The following GGNBP2 variants were observed in gnomAD, a reference collection of about 807,000 sequenced individuals.
GGNBP2 encodes gametogenetin-binding protein 2.
Under a neutral mutation model 85.9 loss-of-function variants are expected in GGNBP2, and 10 were observed. The ratio of observed to expected loss-of-function variants is 0.12; its 90% CI spans 0.07 to 0.20. The LOEUF is 0.20. Ranked by LOEUF, GGNBP2 falls within the 10% of genes least tolerant of loss-of-function variation. GGNBP2 has a pLI of 1.00. For missense variants in GGNBP2, 595 were observed against 857.8 expected (o/e 0.69, Z 3.83); for synonymous variants, 287 against 285.7 (o/e 1.00, Z -0.05).
intron 6 of GGNBP2, chr17:36,576,643 G>GTA (rs1567830535): frequency 3.5e-5 from 4 of 114,078 alleles, no homozygotes; most frequent in African/African-American, 1.1e-4. Flanking sequence ...ATGTATATAT[G>GTA]TATATGTATA....
chr17:36,581,486 A>G lies in GGNBP2; in HGVS notation c.1163A>G (p.Asp388Gly), dbSNP rs769374057. 6 of 1,613,416 alleles carry G rather than the reference A, an allele frequency of 3.7e-6. No individual in the cohort carries two copies. Among genetic ancestry groups the G allele is most frequent in the Non-Finnish European group, 5.1e-6 (6 of 1,179,744 alleles). The part of the protein sequence containing the change: ...KNRRKNKCVC[D>G]IPTPLQTADE... ...AGACGAAAAAATAAGTGTGTGTGTG[A>G]TATTCCTACTCCCTTACAAACAGCA... Residue 388 changes from aspartate to glycine, a missense_variant, in exon 9 of 14, where the codon GAT (aspartate) becomes GGT (glycine). Transcript: ENST00000613102.
At chr17:36,569,862 G>A (rs2074505826) in intron 6 of GGNBP2, among the ~76,000 whole-genome samples, 1 of 152,076 alleles carries the variant, frequency 6.6e-6, no homozygotes, top group South Asian at 2.1e-4. Context: ...TCTTATAATG[G>A]TTTTGTAGAT....
chr17:36,576,635 GTATA>G (rs1181282903), intron 6 of GGNBP2: 1 of 110,530 alleles, frequency 9.0e-6, no homozygotes, highest in Non-Finnish European at 1.7e-5. Flanking sequence ...GTGTGTATAT[GTATA>G]TATGTATATG....
chr17:36,563,803 G>T, intron 5 of GGNBP2, among the ~76,000 whole-genome samples: 1 of 151,008 alleles, frequency 6.6e-6, no homozygotes. Context: ...GAGTGCAGTG[G>T]CGCGATCTCG....
chr17:36,558,033 A>G lies in GGNBP2; in HGVS notation c.428+697A>G, dbSNP rs2074379919. Among the ~76,000 whole-genome samples, 3 of 151,716 alleles carry G rather than the reference A, an allele frequency of 2.0e-5. No individual in the cohort carries two copies. In the South Asian group the frequency reaches 6.2e-4, roughly 32 times the overall value. ...AGGCTGAGGCAGGAGAATCACTTGA[A>G]CCCAGGAGGCAGAGGTTGCAGTGAG... On this transcript the variant is annotated intron_variant, in intron 4 of 13. Transcript: ENST00000613102.
At chr17:36,548,163 A>G (rs2074272211) in intron 2 of GGNBP2, among the ~76,000 whole-genome samples, 1 of 152,262 alleles carries the variant, frequency 6.6e-6, no homozygotes, top group African/African-American at 2.4e-5. Context: ...TAGTAGTCTT[A>G]GGATTTTGAT....
intron 7 of GGNBP2, chr17:36,578,933 A>G (rs1254902496): frequency 4.6e-6 from 1 of 215,784 alleles, no homozygotes; most frequent in Non-Finnish European, 9.1e-6. Context: ...GGAAAGTAAA[A>G]GGAACTGTTG....
chr17:36,556,955 T>A lies in GGNBP2; in HGVS notation c.175-128T>A, dbSNP rs541083447. ...TGACTACTTTGCCTTTCTGACTCAG[T>A]TGCAGGTAGAGCTGGTAAACCCTGG... On this transcript the variant is annotated intron_variant, in intron 3 of 13. Transcript: ENST00000613102. 3 of 1,034,836 alleles carry A rather than the reference T, an allele frequency of 2.9e-6. No homozygotes were observed. In the Admixed American group the frequency reaches 5.9e-5, roughly 20 times the overall value. 64.1% of individuals were successfully genotyped at this position (1,034,836 alleles called of 1,614,324 possible).
chr17:36,566,135 A>C (rs992706207), intron 5 of GGNBP2, among the ~76,000 whole-genome samples: 7 of 152,214 alleles, frequency 4.6e-5, no homozygotes, highest in Admixed American at 1.3e-4. Flanking sequence ...CCAAGGTGTA[A>C]TGAATTCCTT....
Position 36,586,150 on chromosome 17 carries a change from A to G in GGNBP2, c.1593A>G (p.Lys531=). 6.2e-7 allele frequency: 1 copy of G among 1,613,962 alleles called. No homozygotes were observed. Among genetic ancestry groups the G allele is most frequent in the South Asian group, 1.1e-5 (1 of 91,048 alleles). ...ANSEENDTKG[K]NKKKKKKSKI... Reference sequence around the variant, plus strand: ...CTGAAGAGAACGACACAAAAGGAAAAAATAAAAAGAAGAAGAAGAAAAGCA... The same window carrying G: ...CTGAAGAGAACGACACAAAAGGAAAGAATAAAAAGAAGAAGAAGAAAAGCA... The change falls in exon 12 of 14, where the codon AAA becomes AAG. Residue 531 remains lysine, a synonymous_variant. Coordinates refer to ENST00000613102, the MANE Select transcript of GGNBP2 (RefSeq NM_024835.5).
At chr17:36,579,481 T>A in intron 8 of GGNBP2, 62 bp downstream of exon 8, 1 of 1,430,216 alleles carries the variant, frequency 7.0e-7, no homozygotes, top group Non-Finnish European at 9.8e-7. Flanking sequence ...GACTGAATCT[T>A]AATGTAAGCC....
At chr17:36,579,444 A>G (rs756432493) in intron 8 of GGNBP2, 25 bp downstream of exon 8, 2 of 1,604,944 alleles carry the variant, frequency 1.2e-6, no homozygotes, top group South Asian at 2.2e-5. Context: ...CTGTTCCAGT[A>G]TCTCAGATTG....
chr17:36,565,388 G>A (rs765760832), intron 5 of GGNBP2, among the ~76,000 whole-genome samples: 3 of 151,934 alleles, frequency 2.0e-5, no homozygotes, highest in Non-Finnish European at 4.4e-5. Flanking sequence ...ATAATAGAAG[G>A]CATAAGGTCT....
At chr17:36,575,253 C>G (rs1441159041) in intron 6 of GGNBP2, 1 of 616,686 alleles carries the variant, frequency 1.6e-6, no homozygotes, top group Non-Finnish European at 3.0e-6. Flanking sequence ...CTGCCGAAAC[C>G]TCCACGGAAG....
Position 36,545,717 on chromosome 17 carries a change from C to A in GGNBP2, c.-8C>A. On this transcript the variant is annotated 5_prime_UTR_variant, in exon 2 of 14. Coordinates refer to ENST00000613102, the MANE Select transcript of GGNBP2 (RefSeq NM_024835.5). The stretch of plus-strand genomic sequence containing the variant: ...GTGGTGACGGTGGCAACGGCAGCGT[C>A]GGGGACGATGGCGCGACTCGTGGCA... 2 of 1,563,922 alleles carry A rather than the reference C, an allele frequency of 1.3e-6. No individual in the cohort carries two copies. The highest frequency in any genetic ancestry group is 1.7e-6 in the Non-Finnish European group (2 of 1,154,778).
chr17:36,575,611 A>AAC, intron 6 of GGNBP2, among the ~76,000 whole-genome samples: 1 of 57,182 alleles, frequency 1.7e-5, no homozygotes, highest in Non-Finnish European at 3.4e-5. Flanking sequence ...CCTCTAATGT[A>AAC]ACATATATAT....
intron 4 of GGNBP2, among the ~76,000 whole-genome samples, chr17:36,560,205 A>C (rs2074403666): frequency 6.6e-6 from 1 of 151,954 alleles, no homozygotes; most frequent in Non-Finnish European, 1.5e-5. Context: ...TGATCCTCTT[A>C]CCTCAGCCTT....
At chr17:36,545,475 G>A (rs1403153072) in intron 1 of GGNBP2, 144 bp from the exon 2 acceptor site, 2 of 411,954 alleles carry the variant, frequency 4.9e-6, no homozygotes, top group African/African-American at 2.1e-5. Flanking sequence ...GGCGCTGGGC[G>A]CTGATTGGCT....
intron 5 of GGNBP2, among the ~76,000 whole-genome samples, chr17:36,566,642 C>T (rs1403719070): frequency 3.3e-5 from 5 of 151,798 alleles, no homozygotes; most frequent in Admixed American, 1.3e-4. Context: ...GATCACGCCA[C>T]TGCATTCCAG....
Sources: gnomAD v4.1 joint callset for allele counts (sites outside exome capture counted in the v4.1 genomes callset) on GRCh38, gnomAD v4.1.1 for gene constraint, MANE v1.5 for transcripts, NCBI Gene and HGNC (gene_info 2026-07-23, HGNC 2026-07-21) for gene names.